The following LEF1 variants were observed in gnomAD, a reference collection of about 807,000 sequenced individuals.
LEF1 encodes the protein lymphoid enhancer binding factor 1.
In LEF1, 14 loss-of-function variants were observed where a neutral mutation model predicts 51.2. The observed-to-expected ratio is 0.27, with a 90% CI of 0.18 to 0.43. The LOEUF is 0.43. Among genes scored for constraint, LEF1 ranks in the 20% least tolerant of loss-of-function variants. The probability of loss-of-function intolerance (pLI) is 1.00; values close to 1 mark genes in which losing one functional copy is unlikely to be tolerated. For missense variants in LEF1, 386 were observed against 512.0 expected (o/e 0.75, Z 2.37); for synonymous variants, 185 against 183.2 (o/e 1.01, Z -0.08).
intron 8 of LEF1, among the ~76,000 whole-genome samples, chr4:108,075,680 C>T (rs1300921402): frequency 6.6e-6 from 1 of 152,212 alleles, no homozygotes; most frequent in Non-Finnish European, 1.5e-5. Context: ...CAATCCCATA[C>T]AAAGTACTTG....
intron 3 of LEF1, among the ~76,000 whole-genome samples, chr4:108,140,790 CA>C (rs1206703294): frequency 6.6e-6 from 1 of 152,128 alleles, no homozygotes; most frequent in Non-Finnish European, 1.5e-5. Context: ...GTACTTAAAG[CA>C]AAAAGTTATT....
intron 9 of LEF1, among the ~76,000 whole-genome samples, 184 bp from the exon 10 acceptor site, chr4:108,064,568 G>T (rs188054181): frequency 2.6e-3 from 391 of 152,018 alleles, no homozygotes; most frequent in Non-Finnish European, 4.0e-3. Flanking sequence ...ATAGTGACCT[G>T]GTGACCTTTG....
chr4:108,162,767 G>A (rs1256182561), intron 3 of LEF1, among the ~76,000 whole-genome samples: 1 of 152,078 alleles, frequency 6.6e-6, no homozygotes, highest in Admixed American at 6.6e-5. Context: ...ACCAACGCTG[G>A]TGGGCTAATT....
At chr4:108,166,361 C>A (rs1485512929) in intron 1 of LEF1, 3 of 1,499,552 alleles carry the variant, frequency 2.0e-6, no homozygotes, top group Non-Finnish European at 2.6e-6. Context: ...AAACCACACA[C>A]TTTCTTTTTG....
chr4:108,127,272 C>T (rs568386118), intron 3 of LEF1, among the ~76,000 whole-genome samples: 1 of 152,174 alleles, frequency 6.6e-6, no homozygotes, highest in South Asian at 2.1e-4. Context: ...TGGGAAGGCT[C>T]CTCATGTCAT....
Position 108,063,627 on chromosome 4 carries a change from T to C in LEF1, c.*2A>G. ...GGACCAGAGAGTCGTTCTTACCATG[T>C]TTCAGATGTAGGCAGCTGTCATTCT... On this transcript the variant is annotated 3_prime_UTR_variant, in exon 11 of 12. Coordinates refer to ENST00000265165, the MANE Select transcript of LEF1 (RefSeq NM_016269.5). The C allele has an allele frequency of 6.3e-7, 1 of 1,595,092 alleles. No individual in the cohort carries two copies. Among genetic ancestry groups the C allele is most frequent in the Non-Finnish European group, 8.5e-7 (1 of 1,175,114 alleles).
intron 2 of LEF1, among the ~76,000 whole-genome samples, chr4:108,164,327 ACTATCTTGTAG>A (rs1745252986): frequency 6.6e-6 from 1 of 152,140 alleles, no homozygotes; most frequent in South Asian, 2.1e-4. Flanking sequence ...AATCTGTGTA[ACTATCTTGTAG>A]CTGAGGAAGA....
At chr4:108,095,125 A>C (rs534288522) in intron 3 of LEF1, among the ~76,000 whole-genome samples, 3 of 152,128 alleles carry the variant, frequency 2.0e-5, no homozygotes, top group Non-Finnish European at 4.4e-5. Context: ...TTTTTCAGAT[A>C]AGAACGAGGC....
At chr4:108,126,661 G>A (rs145529073) in intron 3 of LEF1, among the ~76,000 whole-genome samples, 171 of 151,764 alleles carry the variant, frequency 1.1e-3, no homozygotes, top group African/African-American at 3.6e-3. Context: ...AAAATTAGCC[G>A]GGCATGATGG....
chr4:108,140,173 G>A (rs375862711), intron 3 of LEF1, among the ~76,000 whole-genome samples: 10 of 152,288 alleles, frequency 6.6e-5, no homozygotes, highest in African/African-American at 2.4e-4. Context: ...TGAGTGAAAT[G>A]CAGTCTAATT....
At chr4:108,108,907 T>C (rs146130814) in intron 3 of LEF1, among the ~76,000 whole-genome samples, 276 of 152,296 alleles carry the variant, frequency 1.8e-3, no homozygotes, top group African/African-American at 6.3e-3. Flanking sequence ...TTGACTTATG[T>C]GTGTATTTCA....
Position 108,063,620 on chromosome 4 carries a change from T to C in LEF1, c.*6+3A>G. ...AGCAGTAGGACCAGAGAGTCGTTCT[T>C]ACCATGTTTCAGATGTAGGCAGCTG... On this transcript the variant is annotated splice_donor_region_variant and intron_variant, in intron 11 of 11. Transcript: ENST00000265165. 6.3e-7 allele frequency: 1 copy of C among 1,594,380 alleles called. No homozygotes were observed. Among genetic ancestry groups the C allele is most frequent in the Non-Finnish European group, 8.5e-7 (1 of 1,174,298 alleles).
rs971348713 is a variant in LEF1, at chr4:108,168,417, G to C, written c.-650C>G. 3 of 152,332 alleles carry C rather than the reference G, an allele frequency of 2.0e-5. No individual in the cohort carries two copies. The highest frequency in any genetic ancestry group is 4.4e-5 in the Non-Finnish European group (3 of 68,106). 9.4% of individuals were successfully genotyped at this position (152,332 alleles called of 1,614,324 possible). On this transcript the variant is annotated 5_prime_UTR_variant, in exon 1 of 12. The change creates a new upstream start codon in the 5' untranslated region. Transcript: ENST00000265165. The surrounding 1 kb of genome is among the most constrained non-coding windows in gnomAD (Gnocchi z 4.6). ...ACCCACGCTGGAGATGTCCGTTTTA[G>C]ATCTTCTTATTTTCTTCCCTTTCGC...
intron 11 of LEF1, among the ~76,000 whole-genome samples, chr4:108,055,413 T>G (rs972782877): frequency 9.9e-5 from 15 of 152,228 alleles, no homozygotes; most frequent in Non-Finnish European, 2.2e-4. Flanking sequence ...TCAATTTCAA[T>G]GTACTCTGCT....
At chr4:108,163,165 A>T (rs1422691019) in intron 3 of LEF1, among the ~76,000 whole-genome samples, 1 of 152,216 alleles carries the variant, frequency 6.6e-6, no homozygotes, top group East Asian at 1.9e-4. Flanking sequence ...ATTCAGCTCC[A>T]AATGAGCTAA....
intron 3 of LEF1, among the ~76,000 whole-genome samples, chr4:108,127,889 C>T (rs1742644843): frequency 6.6e-6 from 1 of 152,100 alleles, no homozygotes; most frequent in Admixed American, 6.6e-5. Context: ...CCTTGCATCC[C>T]TTTTTCTGGA....
At chr4:108,085,911 A>T (rs1739615492) in intron 4 of LEF1, among the ~76,000 whole-genome samples, 1 of 152,232 alleles carries the variant, frequency 6.6e-6, no homozygotes, top group African/African-American at 2.4e-5. Context: ...GGAGAAAAAG[A>T]TCACATTTTA....
chr4:108,121,322 C>CA (rs1163926016), intron 3 of LEF1, among the ~76,000 whole-genome samples: 2 of 152,012 alleles, frequency 1.3e-5, no homozygotes, highest in Non-Finnish European at 2.9e-5. Flanking sequence ...GTGAAAATGG[C>CA]AAAAAATAAC....
In LEF1 at chr4:108,167,640, T is replaced by C; in HGVS notation, c.128A>G (p.His43Arg). ...QKEKIFAEIS[H>R]PEEEGDLADI... ...AGCTAAATCGCCTTCCTCTTCGGGATGACTGATCTCGGCGAAGATCTTTTC... is the reference window on the plus strand; with the variant it reads ...AGCTAAATCGCCTTCCTCTTCGGGACGACTGATCTCGGCGAAGATCTTTTC... The change falls in exon 1 of 12, where the codon CAT becomes CGT. Residue 43 changes from histidine to arginine, a missense_variant. Around this residue, in one of 2 missense-constraint regions of LEF1, gnomAD observed 335 missense variants for 390.7 expected, o/e 0.86. Coordinates refer to ENST00000265165, the MANE Select transcript of LEF1 (RefSeq NM_016269.5). This position sits in a 1 kb window ranked among gnomAD's most constrained non-coding sequence, Gnocchi z 5.7. 1.2e-6 allele frequency: 2 copies of C among 1,614,236 alleles called. No homozygotes were observed. The highest frequency in any genetic ancestry group is 8.5e-7 in the Non-Finnish European group (1 of 1,180,034).
Sources: allele counts gnomAD v4.1 joint callset (sites outside exome capture counted in the v4.1 genomes callset), GRCh38; gene constraint gnomAD v4.1.1; regional missense constraint gnomAD v4.1.1; non-coding constraint Gnocchi (gnomAD v3.1); transcripts MANE v1.5; gene names NCBI Gene and HGNC (gene_info 2026-07-23, HGNC 2026-07-21).